Variants in CDH13 observed in about 807,000 individuals in gnomAD.
CDH13 encodes cadherin-13.
In CDH13, 24 loss-of-function variants were observed where a neutral mutation model predicts 63.8. The ratio of observed to expected loss-of-function variants is 0.38; its 90% CI spans 0.27 to 0.53. CDH13 has a LOEUF of 0.53. CDH13 is among the 20% of genes least tolerant of loss of function. The pLI, the probability that CDH13 is intolerant of heterozygous loss-of-function variation, is 0.85. For missense variants in CDH13, 1,049 were observed against 903.1 expected, an observed-to-expected ratio of 1.16 and a Z score of -2.07; for synonymous variants, 503 against 355.3, an observed-to-expected ratio of 1.42 and a Z score of -4.67.
intron 2 of CDH13, among the ~76,000 whole-genome samples, chr16:82,989,807 C>T (rs745934674): frequency 3.7e-4 from 56 of 152,168 alleles, no homozygotes; most frequent in African/African-American, 1.3e-3. Flanking sequence ...ATGTGATTTA[C>T]GTTTAGATGT....
At chr16:83,784,480 A>T (rs1453121135) in intron 13 of CDH13, among the ~76,000 whole-genome samples, 1 of 151,974 alleles carries the variant, frequency 6.6e-6, no homozygotes, top group African/African-American at 2.4e-5. Context: ...AAAAATACAA[A>T]AATTAGCCAG....
intron 2 of CDH13, among the ~76,000 whole-genome samples, chr16:82,862,612 C>T (rs545885386): frequency 6.6e-6 from 1 of 152,122 alleles, no homozygotes; most frequent in Non-Finnish European, 1.5e-5. Context: ...TTAGGCCACC[C>T]ACATGCAAAC....
At chr16:83,672,624 C>G (rs952876751) in intron 9 of CDH13, among the ~76,000 whole-genome samples, 2 of 151,686 alleles carry the variant, frequency 1.3e-5, no homozygotes, top group African/African-American at 4.8e-5. Flanking sequence ...GGGGTCTCAC[C>G]AGGTTGGCCA....
intron 4 of CDH13, among the ~76,000 whole-genome samples, chr16:83,135,740 C>T (rs980124212): frequency 6.6e-6 from 1 of 152,174 alleles, no homozygotes; most frequent in Non-Finnish European, 1.5e-5. Context: ...TTTATAGCAG[C>T]ACAACTCACA....
intron 6 of CDH13, among the ~76,000 whole-genome samples, chr16:83,441,363 A>G (rs1230224734): frequency 6.6e-6 from 1 of 152,254 alleles, no homozygotes; most frequent in Non-Finnish European, 1.5e-5. Context: ...TTGGCAAAAT[A>G]CAAGCTCTAG....
chr16:83,480,328 T>C (rs9940730), intron 6 of CDH13, among the ~76,000 whole-genome samples: 147,751 of 152,296 alleles, frequency 0.97, 71,867 homozygotes, highest in Middle Eastern at 1. Context: ...ACAACAACAA[T>C]AAAATTTGGG....
chr16:83,020,428 C>T (rs148623158), intron 2 of CDH13, among the ~76,000 whole-genome samples: 225 of 152,282 alleles, frequency 1.5e-3, no homozygotes, highest in African/African-American at 4.9e-3. Context: ...CCAGGATCCC[C>T]AAAGCCATGT....
intron 5 of CDH13, among the ~76,000 whole-genome samples, chr16:83,273,883 G>T (rs915105223): frequency 6.6e-6 from 1 of 152,108 alleles, no homozygotes; most frequent in Non-Finnish European, 1.5e-5. Context: ...TCAAACAGTT[G>T]GTACTGAACC....
intron 2 of CDH13, among the ~76,000 whole-genome samples, chr16:82,976,042 C>A (rs1045033567): frequency 1.3e-5 from 2 of 152,198 alleles, no homozygotes; most frequent in African/African-American, 2.4e-5. Context: ...GAGATGAAAG[C>A]CCCTGGTCAG....
At chr16:83,718,360 G>C (rs1357594228) in intron 10 of CDH13, among the ~76,000 whole-genome samples, 1 of 152,210 alleles carries the variant, frequency 6.6e-6, no homozygotes, top group Non-Finnish European at 1.5e-5. Context: ...ATTCAAGAAT[G>C]AGTCAGAAAA....
In CDH13 at chr16:83,032,056, C is replaced by T. The variant is rs751991343; in HGVS notation, c.204C>T (p.Val68=). ...GAAACGACAAGCTACGCTATGAGGT[C>T]TCGAGCCCATACTTCAAGGTGAACA... ...CKGNDKLRYE[V]SSPYFKVNSD... Residue 68 remains valine (V), a synonymous_variant, in exon 3 of 14, where the codon GTC becomes GTT. Transcript: ENST00000567109. 1.9e-6 allele frequency: 3 copies of T among 1,609,054 alleles called. No homozygotes were observed. Among genetic ancestry groups the T allele is most frequent in the Non-Finnish European group, 2.5e-6 (3 of 1,177,882 alleles).
intron 4 of CDH13, among the ~76,000 whole-genome samples, chr16:83,200,920 AATGTGTGT>A (rs2039007463): frequency 1.7e-5 from 2 of 116,124 alleles, no homozygotes; most frequent in South Asian, 5.8e-4. Flanking sequence ...TAGTCTTAAA[AATGTGTGT>A]GTGTGTGTGT....
At chr16:82,863,558 A>C (rs1474149376) in intron 2 of CDH13, among the ~76,000 whole-genome samples, 1 of 152,192 alleles carries the variant, frequency 6.6e-6, no homozygotes, top group Non-Finnish European at 1.5e-5. Context: ...TCTCCAAAAG[A>C]AGATTAATGG....
At chr16:83,086,353 T>G (rs189952045) in intron 3 of CDH13, among the ~76,000 whole-genome samples, 2 of 152,228 alleles carry the variant, frequency 1.3e-5, no homozygotes, top group Non-Finnish European at 2.9e-5. Context: ...TGTGTGTTTT[T>G]GGGTAAGGTA....
chr16:83,326,669 G>T (rs771069810), intron 5 of CDH13, among the ~76,000 whole-genome samples: 2 of 152,110 alleles, frequency 1.3e-5, no homozygotes, highest in Non-Finnish European at 2.9e-5. Flanking sequence ...TTTACACTTT[G>T]TCTCTGCATG....
At chr16:83,724,744 T>C (rs1162076578) in intron 10 of CDH13, among the ~76,000 whole-genome samples, 3 of 152,154 alleles carry the variant, frequency 2.0e-5, no homozygotes, top group Admixed American at 1.3e-4. Flanking sequence ...GCCTGAGCAG[T>C]GTCAGCGTCA....
intron 1 of CDH13, among the ~76,000 whole-genome samples, chr16:82,663,316 A>T (rs1332002021): frequency 6.6e-6 from 1 of 152,108 alleles, no homozygotes; most frequent in African/African-American, 2.4e-5. Flanking sequence ...CCTCTGGAGT[A>T]GCTGGGATTA....
At chr16:82,663,082 A>C (rs1204164299) in intron 1 of CDH13, among the ~76,000 whole-genome samples, 1 of 152,252 alleles carries the variant, frequency 6.6e-6, no homozygotes, top group Non-Finnish European at 1.5e-5. Flanking sequence ...CTGCCAGGGC[A>C]AGAAAATAGC....
chr16:82,654,472 A>C (rs1911075442), intron 1 of CDH13, among the ~76,000 whole-genome samples: 1 of 152,170 alleles, frequency 6.6e-6, no homozygotes, highest in Non-Finnish European at 1.5e-5. Context: ...CTGCCAATTA[A>C]ATGAAGATTT....
Sources: gnomAD v4.1 joint callset for allele counts (sites outside exome capture counted in the v4.1 genomes callset) on GRCh38, gnomAD v4.1.1 for gene constraint, MANE v1.5 for transcripts, NCBI Gene and HGNC (gene_info 2026-07-23, HGNC 2026-07-21) for gene names.